EBF1: variants seen among roughly 807,000 people sequenced by gnomAD.
The protein encoded by EBF1 is EBF transcription factor 1.
In EBF1, 10 loss-of-function variants were observed where a neutral mutation model predicts 68.4. That is an observed-to-expected ratio of 0.15 (90% CI 0.09 to 0.25). EBF1 has a LOEUF of 0.25. Among genes scored for constraint, EBF1 ranks in the 10% least tolerant of loss-of-function variants. The pLI, the probability that EBF1 is intolerant of heterozygous loss-of-function variation, is 1.00. For missense variants in EBF1, 509 were observed against 794.4 expected, an observed-to-expected ratio of 0.64 and a Z score of 4.32; for synonymous variants, 298 against 299.8, an observed-to-expected ratio of 0.99 and a Z score of 0.06.
intron 6 of EBF1, among the ~76,000 whole-genome samples, chr5:158,998,900 T>TA (rs1430818181): frequency 1.3e-5 from 2 of 152,110 alleles, no homozygotes; most frequent in East Asian, 3.9e-4. Flanking sequence ...TCGCGATGTA[T>TA]ATTATGTATG....
intron 6 of EBF1, among the ~76,000 whole-genome samples, chr5:159,065,341 G>A (rs1346202241): frequency 1.3e-5 from 2 of 152,156 alleles, no homozygotes; most frequent in African/African-American, 4.8e-5. Flanking sequence ...AGTCTAAGTC[G>A]CGTGCACCAC....
At chr5:158,793,483 C>CG (rs1779049457) in intron 9 of EBF1, among the ~76,000 whole-genome samples, 3 of 152,088 alleles carry the variant, frequency 2.0e-5, no homozygotes, top group African/African-American at 4.8e-5. Context: ...TATGAAACCT[C>CG]ATTTTTTTTC....
chr5:158,913,848 A>T (rs1806552452), intron 6 of EBF1, among the ~76,000 whole-genome samples: 1 of 152,288 alleles, frequency 6.6e-6, no homozygotes, highest in Non-Finnish European at 1.5e-5. Context: ...AAATATCTGT[A>T]CGTAAAACAA....
chr5:159,053,639 C>A (rs1362052523), intron 6 of EBF1, among the ~76,000 whole-genome samples: 4 of 140,450 alleles, frequency 2.8e-5, no homozygotes, highest in African/African-American at 1.1e-4. Flanking sequence ...ACACACACAC[C>A]CCAGACATGG....
rs190178877 is a variant in EBF1, at chr5:158,820,521, C to T, written c.778+2655G>A. On this transcript the variant is annotated intron_variant, in intron 8 of 15. Coordinates refer to ENST00000313708, the MANE Select transcript of EBF1 (RefSeq NM_024007.5). ...TGGTTTTGTGTGGTTGGTTGACTCA[C>T]TCTGCAGAGAAGCAGATTTCTATGC... Among the ~76,000 whole-genome samples the T allele has an allele frequency of 9.2e-5, 14 of 152,258 alleles. No homozygotes were observed. In the East Asian group the frequency reaches 1.9e-3, roughly 21 times the overall value.
intron 5 of EBF1, among the ~76,000 whole-genome samples, chr5:159,080,798 C>A (rs1364023891): frequency 6.6e-6 from 1 of 152,140 alleles, no homozygotes; most frequent in Non-Finnish European, 1.5e-5. Context: ...AAACTGAAGA[C>A]AGAGGAACAC....
At chr5:158,773,139 G>A (rs1241208809) in intron 10 of EBF1, among the ~76,000 whole-genome samples, 1 of 151,984 alleles carries the variant, frequency 6.6e-6, no homozygotes. Flanking sequence ...AGGGAGATAG[G>A]AGAGATGGGA....
At chr5:159,038,687 T>C (rs1051157414) in intron 6 of EBF1, among the ~76,000 whole-genome samples, 7 of 152,160 alleles carry the variant, frequency 4.6e-5, no homozygotes, top group African/African-American at 1.7e-4. Context: ...CTCATAATAT[T>C]TGCGCTGTTT....
intron 6 of EBF1, among the ~76,000 whole-genome samples, chr5:158,922,884 G>A (rs1190353003): frequency 6.6e-6 from 1 of 152,182 alleles, no homozygotes; most frequent in Admixed American, 6.5e-5. Flanking sequence ...CTGTCCAGGT[G>A]GAATGAGACA....
chr5:158,984,356 T>G (rs1419013851), intron 6 of EBF1, among the ~76,000 whole-genome samples: 1 of 152,224 alleles, frequency 6.6e-6, no homozygotes, highest in African/African-American at 2.4e-5. Flanking sequence ...ATACTTCATT[T>G]TTCCATTTTG....
chr5:158,797,839 TTTCTC>T (rs1207925780), intron 8 of EBF1, among the ~76,000 whole-genome samples: 1 of 152,164 alleles, frequency 6.6e-6, no homozygotes, highest in Non-Finnish European at 1.5e-5. Context: ...TCAGATGACT[TTTCTC>T]TTCTCTACTT....
chr5:158,757,482 TA>T (rs1258974347), intron 10 of EBF1, among the ~76,000 whole-genome samples: 1 of 152,212 alleles, frequency 6.6e-6, no homozygotes, highest in Non-Finnish European at 1.5e-5. Context: ...GCACATTATG[TA>T]CGTGGTATCT....
intron 3 of EBF1, chr5:159,096,101 C>A: frequency 1.7e-6 from 1 of 577,804 alleles, no homozygotes; most frequent in Non-Finnish European, 3.1e-6. Context: ...ATGAAAGTGG[C>A]TCAGGGAGGG....
intron 6 of EBF1, among the ~76,000 whole-genome samples, chr5:158,959,182 CA>C (rs1342765260): frequency 6.6e-6 from 1 of 152,034 alleles, no homozygotes; most frequent in Non-Finnish European, 1.5e-5. Flanking sequence ...ACCATTTGCC[CA>C]TATTTTAGAA....
chr5:158,963,539 C>T (rs1200295351), intron 6 of EBF1, among the ~76,000 whole-genome samples: 1 of 152,174 alleles, frequency 6.6e-6, no homozygotes, highest in Non-Finnish European at 1.5e-5. Context: ...TCTGCCTACA[C>T]ACAAAACATA....
chr5:158,704,916 A>C (rs1479031934), intron 15 of EBF1, among the ~76,000 whole-genome samples: 1 of 152,260 alleles, frequency 6.6e-6, no homozygotes, highest in Non-Finnish European at 1.5e-5. Context: ...TAATTTCTCC[A>C]TCCGTATGTC....
chr5:158,759,842 G>A (rs1302969021), intron 10 of EBF1, among the ~76,000 whole-genome samples: 1 of 151,834 alleles, frequency 6.6e-6, no homozygotes, highest in Non-Finnish European at 1.5e-5. Flanking sequence ...CTGGGTTACA[G>A]AACATAGAAA....
intron 6 of EBF1, among the ~76,000 whole-genome samples, chr5:158,970,331 C>T (rs1755385264): frequency 1.3e-5 from 2 of 152,152 alleles, no homozygotes; most frequent in Non-Finnish European, 2.9e-5. Context: ...TCAACAGCTC[C>T]TTCTTAATTA....
Position 158,777,396 on chromosome 5 carries a change from T to A in EBF1, c.1036+17A>T, listed in dbSNP as rs1775514488. 6.2e-7 allele frequency: 1 copy of A among 1,603,198 alleles called. No homozygotes were observed. Among genetic ancestry groups the A allele is most frequent in the Non-Finnish European group, 8.5e-7 (1 of 1,173,774 alleles). ...GACCACGGCAGTTCTGTGCTCACCATGTGCTGTGGTTCTTACCTGTATAAA... is the reference window on the plus strand; with the variant it reads ...GACCACGGCAGTTCTGTGCTCACCAAGTGCTGTGGTTCTTACCTGTATAAA... On this transcript the variant is annotated intron_variant, in intron 10 of 15. Coordinates refer to ENST00000313708, the MANE Select transcript of EBF1 (RefSeq NM_024007.5).
Sources: gnomAD v4.1 joint callset for allele counts (sites outside exome capture counted in the v4.1 genomes callset) on GRCh38, gnomAD v4.1.1 for gene constraint, MANE v1.5 for transcripts, NCBI Gene and HGNC (gene_info 2026-07-23, HGNC 2026-07-21) for gene names.